HMGCS2: variants seen among roughly 807,000 people sequenced by gnomAD.
HMGCS2 encodes the protein 3-hydroxy-3-methylglutaryl-CoA synthase 2.
In HMGCS2, 50 loss-of-function variants were observed where a neutral mutation model predicts 57.4. The observed-to-expected ratio is 0.87, with a 90% CI of 0.69 to 1.10. HMGCS2 has a LOEUF of 1.10. Ranked by LOEUF, HMGCS2 falls within the 50% of genes least tolerant of loss-of-function variation. HMGCS2 has a pLI of 0.00. For synonymous variants in HMGCS2, 254 were observed against 245.1 expected (o/e 1.04, Z -0.34); for missense variants, 627 against 636.5 (o/e 0.99, Z 0.16).
intron 7 of HMGCS2, 87 bp downstream of exon 7, chr1:119,753,193 T>C: frequency 1.2e-6 from 1 of 805,190 alleles, no homozygotes; most frequent in South Asian, 1.4e-5. Context: ...TCTGTCAAGA[T>C]GGCAGCCTCA....
At chr1:119,753,641 T>C (rs1265199426) in intron 6 of HMGCS2, among the ~76,000 whole-genome samples, 2 of 151,958 alleles carry the variant, frequency 1.3e-5, no homozygotes, top group Non-Finnish European at 2.9e-5. Context: ...ATATCCAAGA[T>C]ATATAAGGCA....
At chr1:119,752,761 G>A in intron 7 of HMGCS2, 87 bp from the exon 8 acceptor site, 1 of 1,502,110 alleles carries the variant, frequency 6.7e-7, no homozygotes, top group East Asian at 2.3e-5. Flanking sequence ...GCCAGGTTCT[G>A]TGGGAGGTTA....
chr1:119,761,551 G>T (rs1653039550), intron 2 of HMGCS2, among the ~76,000 whole-genome samples: 1 of 152,062 alleles, frequency 6.6e-6, no homozygotes, highest in Non-Finnish European at 1.5e-5. Context: ...GGATTGTGAG[G>T]TCAGGAGATC....
chr1:119,761,175 G>T (rs778843836), intron 2 of HMGCS2, among the ~76,000 whole-genome samples: 11 of 146,502 alleles, frequency 7.5e-5, no homozygotes, highest in Non-Finnish European at 1.5e-4. Flanking sequence ...AAGTAAATTG[G>T]TATATTTAAT....
At chr1:119,759,527 C>G in intron 3 of HMGCS2, 1 of 586,376 alleles carries the variant, frequency 1.7e-6, no homozygotes, top group Non-Finnish European at 3.0e-6. Context: ...TAGAAGCCAA[C>G]AGTCTCAAAG....
chr1:119,750,726 C>G, intron 9 of HMGCS2, 71 bp downstream of exon 9: 1 of 962,730 alleles, frequency 1.0e-6, no homozygotes, highest in Non-Finnish European at 1.7e-6. Context: ...TCCCCACCTT[C>G]TCTCTCTGTG....
chr1:119,757,282 TCCAGCC>T lies in HMGCS2; in HGVS notation c.1001_1006del (p.Gly334_Leu335del). ...CAAGAAGAGAACTCACCCGAAAGCC[TCCAGCC>T]CCTTATATAAGCTGGTTTGTGTGTC... On this transcript the variant is annotated inframe_deletion, in exon 5 of 10. Transcript: ENST00000369406. The T allele has an allele frequency of 6.2e-7, 1 of 1,614,182 alleles. No individual in the cohort carries two copies. Among genetic ancestry groups the T allele is most frequent in the South Asian group, 1.1e-5 (1 of 91,078 alleles).
chr1:119,760,051 A>G (rs1652990544), intron 2 of HMGCS2, 62 bp from the exon 3 acceptor site: 2 of 1,493,060 alleles, frequency 1.3e-6, no homozygotes, highest in Admixed American at 1.7e-5. Flanking sequence ...CTGAGTGCCT[A>G]CTGTGTACCA....
Position 119,752,586 on chromosome 1 carries a change from T to C in HMGCS2, c.1383A>G (p.Thr461=). ...ATTGCTCTCTTTGGTTCATTATTTCTGTGAACTCCTCAGGAGACACACACT... is the reference window on the plus strand; with the variant it reads ...ATTGCTCTCTTTGGTTCATTATTTCCGTGAACTCCTCAGGAGACACACACT... The part of the protein sequence containing the change: ...SRKCVSPEEF[T]EIMNQREQFY... Residue 461 remains threonine, a synonymous_variant, in exon 8 of 10, where the codon ACA becomes ACG. Coordinates refer to ENST00000369406, the MANE Select transcript of HMGCS2 (RefSeq NM_005518.4). 1 of 1,614,166 alleles carries C rather than the reference T, an allele frequency of 6.2e-7. No homozygotes were observed. The highest frequency in any genetic ancestry group is 8.5e-7 in the Non-Finnish European group (1 of 1,179,990).
At chr1:119,756,905 G>T (rs752240171) in intron 5 of HMGCS2, among the ~76,000 whole-genome samples, 1 of 152,158 alleles carries the variant, frequency 6.6e-6, no homozygotes, top group African/African-American at 2.4e-5. Context: ...ATCCTGAGAG[G>T]TTAATACGAT....
Position 119,754,513 on chromosome 1 carries a change from G to A in HMGCS2, c.1187+914C>T, listed in dbSNP as rs76570779. On this transcript the variant is annotated intron_variant, in intron 6 of 9. Transcript: ENST00000369406. ...ACTTCATGAGCCCTTTCTTATGTTA[G>A]ATGCAGTACTTCCTTATAAAACCCA... 8.6e-3 allele frequency among the ~76,000 whole-genome samples: 1,307 copies of A among 152,232 alleles called. 14 individuals are homozygous for A. The highest frequency in any genetic ancestry group is 0.03 in the African/African-American group (1,256 of 41,538).
chr1:119,754,579 C>G (rs1557989391), intron 6 of HMGCS2, among the ~76,000 whole-genome samples: 1 of 152,086 alleles, frequency 6.6e-6, no homozygotes. Context: ...AACATTTGAG[C>G]ACCTGCTAAG....
chr1:119,767,594 G>C (rs1369826959), intron 1 of HMGCS2, among the ~76,000 whole-genome samples: 1 of 152,190 alleles, frequency 6.6e-6, no homozygotes, highest in Non-Finnish European at 1.5e-5. Context: ...AAGGCGATTA[G>C]ACATATAGAG....
intron 2 of HMGCS2, among the ~76,000 whole-genome samples, chr1:119,760,271 G>T (rs755459474): frequency 1.8e-4 from 28 of 152,176 alleles, no homozygotes; most frequent in Non-Finnish European, 4.0e-4. Context: ...AGACAATTCA[G>T]GTTTGGGTTT....
chr1:119,763,280 T>G (rs76712576), intron 2 of HMGCS2, among the ~76,000 whole-genome samples: 24 of 152,360 alleles, frequency 1.6e-4, no homozygotes, highest in African/African-American at 4.8e-4. Context: ...TTAAGGCTTT[T>G]TGATTAATTT....
intron 1 of HMGCS2, among the ~76,000 whole-genome samples, chr1:119,767,014 A>G (rs587596610): frequency 6.6e-6 from 1 of 152,074 alleles, no homozygotes; most frequent in East Asian, 1.9e-4. Flanking sequence ...AACATGCACC[A>G]CACCTTTACT....
intron 5 of HMGCS2, among the ~76,000 whole-genome samples, chr1:119,756,220 A>G (rs587770684): frequency 6.6e-6 from 1 of 152,318 alleles, no homozygotes; most frequent in African/African-American, 2.4e-5. Context: ...CTATCTAGAG[A>G]AAATGGTAAC....
chr1:119,757,513 T>C, intron 4 of HMGCS2, 75 bp from the exon 5 acceptor site: 1 of 1,606,286 alleles, frequency 6.2e-7, no homozygotes, highest in Non-Finnish European at 8.5e-7. Context: ...GAGATTTAAC[T>C]GTGCCGAGTT....
At chr1:119,762,492 G>C (rs1222791735) in intron 2 of HMGCS2, among the ~76,000 whole-genome samples, 2 of 150,950 alleles carry the variant, frequency 1.3e-5, no homozygotes, top group South Asian at 4.2e-4. Context: ...CAGCCAATCT[G>C]AGCCAGAAAT....
Sources: gnomAD v4.1 joint callset for allele counts (sites outside exome capture counted in the v4.1 genomes callset) on GRCh38, gnomAD v4.1.1 for gene constraint, MANE v1.5 for transcripts, NCBI Gene and HGNC (gene_info 2026-07-23, HGNC 2026-07-21) for gene names.